FAM117A: variants seen among roughly 807,000 people sequenced by gnomAD.
FAM117A encodes protein FAM117A.
FAM117A carries 21 observed loss-of-function variants against 44.1 expected under a neutral mutation model. That is an observed-to-expected ratio of 0.48 (90% CI 0.34 to 0.69). FAM117A has a LOEUF of 0.69. FAM117A is among the 30% of genes least tolerant of loss of function. The pLI is 0.01. For synonymous variants in FAM117A, 220 were observed against 238.3 expected (o/e 0.92, Z 0.71); for missense variants, 498 against 589.9 (o/e 0.84, Z 1.61).
At position 49,783,350 on chromosome 17, in the gene FAM117A, G is replaced by C. The variant is rs764190935; in HGVS notation, c.-621+5147C>G. 3.2e-4 allele frequency among the ~76,000 whole-genome samples: 49 copies of C among 152,328 alleles called. 1 individual carries two copies. The highest frequency in any genetic ancestry group is 8.3e-4 in the South Asian group (4 of 4,826). ...AGGGAGGTAGATAAGTGGAGGAAGGGGGGGAGATGAAGGGCAGAGGTGGGA... is the reference window on the plus strand; with the variant it reads ...AGGGAGGTAGATAAGTGGAGGAAGGCGGGGAGATGAAGGGCAGAGGTGGGA... On this transcript the variant is annotated intron_variant, in intron 1 of 7. Coordinates refer to the FAM117A transcript ENST00000513602.
upstream of FAM117A, among the ~76,000 whole-genome samples, chr17:49,767,868 G>A (rs1015871463): frequency 3.3e-5 from 5 of 151,878 alleles, no homozygotes; most frequent in East Asian, 3.9e-4. Context: ...GCACCACTGC[G>A]CTCCAGACTG....
chr17:49,762,714 A>G (rs1056579965), intron 1 of FAM117A, among the ~76,000 whole-genome samples: 1 of 152,206 alleles, frequency 6.6e-6, no homozygotes, highest in Non-Finnish European at 1.5e-5. Flanking sequence ...TGATTTTTGT[A>G]CATTTGGTAG....
At chr17:49,788,488 G>A (rs1249427306) in intron 1 of FAM117A, 6 of 292,040 alleles carry the variant, frequency 2.1e-5, no homozygotes, top group Non-Finnish European at 3.8e-5. Flanking sequence ...CACAAACAGA[G>A]CCACTCACGT....
intron 1 of FAM117A, among the ~76,000 whole-genome samples, chr17:49,760,003 G>C (rs1230370076): frequency 1.3e-5 from 2 of 152,196 alleles, no homozygotes; most frequent in Admixed American, 6.5e-5. Flanking sequence ...CCGCAGTTTT[G>C]GGTTGTCAGG....
chr17:49,737,881 A>G (rs1235554930), intron 1 of FAM117A, among the ~76,000 whole-genome samples: 5 of 152,086 alleles, frequency 3.3e-5, no homozygotes, highest in Non-Finnish European at 7.4e-5. Flanking sequence ...TCTTCCAACT[A>G]CTCACTGAGG....
At chr17:49,763,842 C>T in intron 1 of FAM117A, 50 bp downstream of exon 1, 1 of 1,014,330 alleles carries the variant, frequency 9.9e-7, no homozygotes, top group Non-Finnish European at 1.3e-6. Context: ...TCACGCGCCC[C>T]CCCTCCCCCA....
At chr17:49,786,210 C>A (rs1567841104) in intron 1 of FAM117A, among the ~76,000 whole-genome samples, 1 of 152,072 alleles carries the variant, frequency 6.6e-6, no homozygotes, top group Non-Finnish European at 1.5e-5. Context: ...AGGACAAGAA[C>A]CATATCTAAA....
chr17:49,735,322 G>A (rs891418053), intron 1 of FAM117A, among the ~76,000 whole-genome samples: 30 of 151,830 alleles, frequency 2.0e-4, no homozygotes, highest in African/African-American at 6.8e-4. Flanking sequence ...CCCGGGAAGC[G>A]GAGGCTGCAG....
In FAM117A at chr17:49,777,894, G is replaced by A. The variant is rs550657021; in HGVS notation, c.-621+10603C>T. Among the ~76,000 whole-genome samples the A allele has an allele frequency of 5.9e-5, 9 of 152,294 alleles. No homozygotes were observed. In the South Asian group the frequency reaches 1.0e-3, roughly 18 times the overall value. ...GTAGAATATGCCAAGGGACCAACAG[G>A]GTCTGTGCCCAAGAGTGGAGGGCAC... On this transcript the variant is annotated intron_variant, in intron 1 of 7. Coordinates refer to the FAM117A transcript ENST00000513602.
At chr17:49,746,221 A>G (rs1052666810) in intron 1 of FAM117A, among the ~76,000 whole-genome samples, 2 of 152,252 alleles carry the variant, frequency 1.3e-5, no homozygotes, top group African/African-American at 4.8e-5. Context: ...AAAGTTATCA[A>G]TGAGTCTAGG....
intron 1 of FAM117A, among the ~76,000 whole-genome samples, chr17:49,744,228 T>A (rs907310114): frequency 6.6e-6 from 1 of 152,180 alleles, no homozygotes; most frequent in Non-Finnish European, 1.5e-5. Flanking sequence ...TATAAAATAG[T>A]GTAGTATTTT....
rs564776956 is a variant in FAM117A at position 49,713,724 on chromosome 17, G to T, written c.1062-2169C>A. 3.3e-5 allele frequency among the ~76,000 whole-genome samples: 5 copies of T among 152,200 alleles called. No individual in the cohort carries two copies. In the East Asian group the frequency reaches 5.8e-4, roughly 18 times the overall value. ...GTGTCTCCCTATGTTGCCCAGGCTG[G>T]TCTTGAACTCCTGGACTCAAGCAAT... On this transcript the variant is annotated intron_variant, in intron 7 of 7. Coordinates refer to ENST00000240364, the MANE Select transcript of FAM117A (RefSeq NM_030802.4).
exon 1 of FAM117A, chr17:49,788,532 G>A (rs1567843163): frequency 2.7e-6 from 1 of 375,238 alleles, no homozygotes; most frequent in Admixed American, 4.6e-5. Context: ...TTCCACCACT[G>A]GAGTCACTTT....
At chr17:49,781,975 CA>C (rs1218931437) in intron 1 of FAM117A, among the ~76,000 whole-genome samples, 1 of 150,548 alleles carries the variant, frequency 6.6e-6, no homozygotes, top group Non-Finnish European at 1.5e-5. Context: ...GATCCTGTCT[CA>C]AAAAAATAAA....
chr17:49,752,012 T>C (rs1424764112), intron 1 of FAM117A, among the ~76,000 whole-genome samples: 4 of 151,610 alleles, frequency 2.6e-5, no homozygotes, highest in African/African-American at 9.7e-5. Flanking sequence ...TCCCAGCACT[T>C]TGGGAGGCTG....
At chr17:49,784,074 G>C (rs1228349589) in intron 1 of FAM117A, among the ~76,000 whole-genome samples, 2 of 152,216 alleles carry the variant, frequency 1.3e-5, no homozygotes, top group East Asian at 3.8e-4. Context: ...TCCAGGCAAG[G>C]CTCCTAACCT....
rs886914460 is a variant in FAM117A, at chr17:49,747,332, C to G, written c.197-14612G>C. The G allele has an allele frequency of 2.0e-5, 3 of 152,172 alleles. No individual in the cohort carries two copies. In the East Asian group the frequency reaches 5.8e-4, roughly 29 times the overall value. 9.4% of individuals were successfully genotyped at this position (152,172 alleles called of 1,614,324 possible). A position where few individuals can be genotyped will look rare whatever the true frequency, so the allele number is the denominator to read the frequency against. ...GACTGGGCAAGCTGGGAGTAACCAT[C>G]AAGTAGACATGAACACTCAGAGGGC... On this transcript the variant is annotated intron_variant, in intron 1 of 7. Transcript: ENST00000240364.
rs377014256 is a variant in FAM117A, at chr17:49,722,506, C to T, written c.455G>A (p.Arg152Gln). 22 of 1,613,506 alleles carry T rather than the reference C, an allele frequency of 1.4e-5. No homozygotes were observed. The African/African-American group carries it at 2.3e-4, about 17-fold the overall frequency. ...GTCAAAGTGGGTAGCTACCTCTTTT[C>T]GGTGGTCTGTGCTGCCCCAGGATGC... The part of the protein sequence containing the change: ...RSASWGSTDH[R>Q]KEISKLKQQL... Residue 152 changes from arginine to glutamine, a missense_variant, in exon 3 of 8, where the codon CGA becomes CAA. This residue lies in a region of FAM117A where 270 missense variants were observed against 277.4 expected (regional missense o/e 0.97). Coordinates refer to ENST00000240364, the MANE Select transcript of FAM117A (RefSeq NM_030802.4).
chr17:49,779,430 G>C (rs139241441), intron 1 of FAM117A, among the ~76,000 whole-genome samples: 198 of 152,344 alleles, frequency 1.3e-3, no homozygotes, highest in African/African-American at 4.6e-3. Context: ...ATCAGCCCTA[G>C]CCTACAGCCC....
Sources: allele counts gnomAD v4.1 joint callset (sites outside exome capture counted in the v4.1 genomes callset), GRCh38; gene constraint gnomAD v4.1.1; regional missense constraint gnomAD v4.1.1; transcripts MANE v1.5; gene names NCBI Gene and HGNC (gene_info 2026-07-23, HGNC 2026-07-21).